Variants in FGF12 observed in about 807,000 individuals in gnomAD.
The protein encoded by FGF12 is fibroblast growth factor 12B.
In FGF12, 14 loss-of-function variants were observed where a neutral mutation model predicts 23.6. The observed-to-expected ratio is 0.59, with a 90% CI of 0.39 to 0.93. The LOEUF is 0.93. FGF12 is among the 40% of genes least tolerant of loss of function. FGF12 has a pLI of 0.00. For missense variants in FGF12, 175 were observed against 217.8 expected, an observed-to-expected ratio of 0.80 and a Z score of 1.24; for synonymous variants, 62 against 77.3, an observed-to-expected ratio of 0.80 and a Z score of 1.04.
At chr3:192,426,403 A>G (rs1721688152) in intron 2 of FGF12, among the ~76,000 whole-genome samples, 2 of 152,118 alleles carry the variant, frequency 1.3e-5, no homozygotes. Context: ...CCTTTTCTTT[A>G]CTCACCTAAA....
intron 2 of FGF12, among the ~76,000 whole-genome samples, chr3:192,688,043 A>C (rs574605393): frequency 1.3e-3 from 199 of 151,852 alleles, no homozygotes; most frequent in African/African-American, 4.4e-3. Context: ...GCTGCCACAC[A>C]CATGCCTTCA....
chr3:192,699,084 C>T (rs372837977), intron 2 of FGF12, among the ~76,000 whole-genome samples: 16 of 152,266 alleles, frequency 1.1e-4, no homozygotes, highest in Admixed American at 3.9e-4. Flanking sequence ...ATCAGTGTTT[C>T]CCGATAAATC....
chr3:192,640,794 T>C (rs1035093636), intron 2 of FGF12, among the ~76,000 whole-genome samples: 1 of 92,698 alleles, frequency 1.1e-5, no homozygotes, highest in African/African-American at 3.7e-5. Flanking sequence ...AAACCCCTTT[T>C]TTTTGTTTGT....
At position 192,360,531 on chromosome 3, in the gene FGF12, C is replaced by T; in HGVS notation, c.21G>A (p.Gln7=). The change falls in exon 3 of 6, where the codon CAG becomes CAA. Residue 7 remains glutamine, a synonymous_variant. Coordinates refer to ENST00000445105, the MANE Select transcript of FGF12 (RefSeq NM_004113.6). This position sits in a 1 kb window ranked among gnomAD's most constrained non-coding sequence, Gnocchi z 4.3. The part of the protein sequence containing the change: MESKEP[Q]LKGIVTRLFS... ...ATAACCTTGTCACAATCCCTTTGAG[C>T]TGGGGTTCTGCAAAACAAAATAATT... 6.2e-7 allele frequency: 1 copy of T among 1,612,250 alleles called. No homozygotes were observed. The highest frequency in any genetic ancestry group is 1.3e-5 in the African/African-American group (1 of 74,978).
chr3:192,469,570 C>T (rs967006742), intron 2 of FGF12, among the ~76,000 whole-genome samples: 5 of 152,144 alleles, frequency 3.3e-5, no homozygotes, highest in African/African-American at 9.7e-5. Flanking sequence ...TGTATGTTTA[C>T]CAAACTAAGT....
intron 2 of FGF12, among the ~76,000 whole-genome samples, chr3:192,593,337 C>T (rs1029254623): frequency 6.6e-6 from 1 of 151,802 alleles, no homozygotes; most frequent in African/African-American, 2.4e-5. Context: ...CCCTCATGAT[C>T]ATACGTAGAA....
At chr3:192,307,771 T>C (rs1422468833) in intron 4 of FGF12, among the ~76,000 whole-genome samples, 2 of 152,178 alleles carry the variant, frequency 1.3e-5, no homozygotes, top group Non-Finnish European at 2.9e-5. Context: ...CATGCCTCTT[T>C]GGGGAATGCT....
At chr3:192,187,309 A>AATT (rs1425743279) in intron 4 of FGF12, among the ~76,000 whole-genome samples, 2 of 152,204 alleles carry the variant, frequency 1.3e-5, no homozygotes, top group Non-Finnish European at 2.9e-5. Flanking sequence ...TTTATATAGT[A>AATT]TATCTTATAA....
intron 4 of FGF12, among the ~76,000 whole-genome samples, chr3:192,232,223 G>T (rs1719058337): frequency 2.0e-5 from 3 of 151,828 alleles, no homozygotes; most frequent in Admixed American, 6.6e-5. Context: ...TATCTTCATT[G>T]TTGTTTTCTA....
At chr3:192,302,230 A>C (rs1225101354) in intron 4 of FGF12, among the ~76,000 whole-genome samples, 1 of 152,128 alleles carries the variant, frequency 6.6e-6, no homozygotes, top group African/African-American at 2.4e-5. Context: ...CACATCTGTC[A>C]TAGAGCTTGT....
chr3:192,241,285 G>GT (rs1719605635), intron 4 of FGF12, among the ~76,000 whole-genome samples: 1 of 152,144 alleles, frequency 6.6e-6, no homozygotes, highest in African/African-American at 2.4e-5. Context: ...AGAAGAGAAT[G>GT]TAAATGTTAA....
intron 4 of FGF12, among the ~76,000 whole-genome samples, chr3:192,315,109 A>C (rs76425934): frequency 0.028 from 4,293 of 152,276 alleles, 162 homozygotes; most frequent in South Asian, 0.17. Context: ...TAACATAACT[A>C]CTAGGTTTTT....
chr3:192,636,965 C>G (rs1256735699), intron 2 of FGF12, among the ~76,000 whole-genome samples: 1 of 152,130 alleles, frequency 6.6e-6, no homozygotes, highest in African/African-American at 2.4e-5. Flanking sequence ...TGATAGGAAG[C>G]CAAAGAGCTA....
chr3:192,143,078 C>T lies in FGF12; in HGVS notation c.*931G>A, dbSNP rs1035040120. ...TCAGGTGTCCACACCTGAGACATTG[C>T]TTTGTGGATACTCTCAAAGGTGTCC... On this transcript the variant is annotated 3_prime_UTR_variant, in exon 6 of 6. Coordinates refer to ENST00000445105, the MANE Select transcript of FGF12 (RefSeq NM_004113.6). 21 of 152,022 alleles carry T rather than the reference C, an allele frequency of 1.4e-4. No homozygotes were observed. The highest frequency in any genetic ancestry group is 4.6e-4 in the African/African-American group (19 of 41,488). The allele number at this position is 152,022 out of a possible 1,614,324, so 9.4% of individuals were successfully genotyped here.
intron 4 of FGF12, among the ~76,000 whole-genome samples, chr3:192,227,443 C>A (rs73064522): frequency 6.6e-6 from 1 of 151,740 alleles, no homozygotes; most frequent in African/African-American, 2.4e-5. Flanking sequence ...AGTCAATATC[C>A]GAAATGTACC....
chr3:192,200,842 T>C (rs925736238), intron 4 of FGF12, among the ~76,000 whole-genome samples: 22 of 152,116 alleles, frequency 1.4e-4, no homozygotes, highest in African/African-American at 4.8e-4. Context: ...CTGTATTTTA[T>C]ATTATTTGTC....
intron 2 of FGF12, among the ~76,000 whole-genome samples, chr3:192,437,328 G>A (rs2108794048): frequency 6.6e-6 from 1 of 152,312 alleles, no homozygotes; most frequent in Non-Finnish European, 1.5e-5. Context: ...TGCTATTTGT[G>A]TAGAGAACTA....
intron 2 of FGF12, among the ~76,000 whole-genome samples, chr3:192,573,421 T>A (rs1168153255): frequency 6.6e-6 from 1 of 152,158 alleles, no homozygotes; most frequent in Non-Finnish European, 1.5e-5. Flanking sequence ...ACCTCTGTAA[T>A]GGTGGGTGGG....
chr3:192,657,470 G>T (rs1716475019), intron 2 of FGF12, among the ~76,000 whole-genome samples: 1 of 149,622 alleles, frequency 6.7e-6, no homozygotes, highest in Non-Finnish European at 1.5e-5. Flanking sequence ...GCTCCTAAAA[G>T]AACCTCCCAT....
Sources: gnomAD v4.1 joint callset for allele counts (sites outside exome capture counted in the v4.1 genomes callset) on GRCh38, gnomAD v4.1.1 for gene constraint, Gnocchi (gnomAD v3.1) non-coding constraint, MANE v1.5 for transcripts, NCBI Gene and HGNC (gene_info 2026-07-23, HGNC 2026-07-21) for gene names.